STPG2: variants seen among roughly 807,000 people sequenced by gnomAD.
STPG2 encodes the protein sperm-tail PG-rich repeat-containing protein 2.
Under a neutral mutation model 54.2 loss-of-function variants are expected in STPG2, and 56 were observed. The observed-to-expected ratio is 1.03, with a 90% CI of 0.83 to 1.29. The LOEUF (loss-of-function observed/expected upper bound fraction) is 1.29. STPG2 is among the 50% of genes most tolerant of loss of function. The pLI is 0.00. For missense variants in STPG2, 596 were observed against 544.9 expected (o/e 1.09, Z -0.93); for synonymous variants, 200 against 181.8 (o/e 1.10, Z -0.81).
intron 10 of STPG2, among the ~76,000 whole-genome samples, chr4:97,708,590 G>A (rs904542379): frequency 6.6e-6 from 1 of 151,644 alleles, no homozygotes; most frequent in African/African-American, 2.4e-5. Flanking sequence ...TCTTTATAAG[G>A]CTATTTATAA....
chr4:97,614,813 T>C (rs1475069399), intron 10 of STPG2, among the ~76,000 whole-genome samples: 1 of 152,178 alleles, frequency 6.6e-6, no homozygotes, highest in East Asian at 1.9e-4. Flanking sequence ...TTGATACCCA[T>C]AACATGGAAA....
Position 97,563,236 on chromosome 4 carries a change from G to A in STPG2, c.1321-4119C>T, listed in dbSNP as rs181795197. Among the ~76,000 whole-genome samples the A allele has an allele frequency of 5.4e-3, 823 of 152,250 alleles. 6 individuals are homozygous for A. The highest frequency in any genetic ancestry group is 0.02 in the Middle Eastern group (6 of 294). On this transcript the variant is annotated intron_variant, in intron 10 of 10. Transcript: ENST00000295268. ...TTTTCTAGTTTATTTGCATAGAGGTGTTTGTAGTATTCCCTGATGGTAGTT... is the reference window on the plus strand; with the variant it reads ...TTTTCTAGTTTATTTGCATAGAGGTATTTGTAGTATTCCCTGATGGTAGTT...
At chr4:97,857,737 C>T (rs1042631534) in intron 8 of STPG2, among the ~76,000 whole-genome samples, 64 of 151,904 alleles carry the variant, frequency 4.2e-4, no homozygotes, top group Admixed American at 4.1e-3. Flanking sequence ...GATATATGAC[C>T]TTTCAGACAG....
intron 10 of STPG2, among the ~76,000 whole-genome samples, chr4:97,563,243 G>A (rs1732311575): frequency 6.6e-6 from 1 of 152,122 alleles, no homozygotes; most frequent in Non-Finnish European, 1.5e-5. Context: ...GGTGTTTGTA[G>A]TATTCCCTGA....
intron 9 of STPG2, among the ~76,000 whole-genome samples, chr4:97,756,533 C>T (rs373748635): frequency 6.6e-5 from 10 of 151,974 alleles, no homozygotes; most frequent in African/African-American, 2.4e-4. Context: ...ACCATGTTGG[C>T]CAGGCTGGTC....
chr4:97,796,369 AT>A (rs571182782), intron 9 of STPG2, among the ~76,000 whole-genome samples: 15 of 152,240 alleles, frequency 9.9e-5, no homozygotes, highest in East Asian at 1.9e-4. Flanking sequence ...TCTTGAATTA[AT>A]TTTTTTATAA....
At chr4:97,770,026 C>A (rs1726172723) in intron 9 of STPG2, among the ~76,000 whole-genome samples, 1 of 152,030 alleles carries the variant, frequency 6.6e-6, no homozygotes. Context: ...GCCTGGTCAA[C>A]ATGGCAAAAC....
chr4:98,013,747 T>A (rs571971743), intron 5 of STPG2, among the ~76,000 whole-genome samples: 2 of 151,382 alleles, frequency 1.3e-5, no homozygotes, highest in African/African-American at 2.4e-5. Context: ...TTTTCTAGTT[T>A]ATTTGCACAG....
At chr4:97,535,766 A>T (rs1235705389) in intron 4 of STPG2, among the ~76,000 whole-genome samples, 1 of 151,946 alleles carries the variant, frequency 6.6e-6, no homozygotes, top group Non-Finnish European at 1.5e-5. Context: ...GGGTCTATGC[A>T]CTTATATTTC....
At chr4:97,776,014 G>A (rs356548) in intron 9 of STPG2, among the ~76,000 whole-genome samples, 24,605 of 151,834 alleles carry the variant, frequency 0.16, 2,163 homozygotes, top group East Asian at 0.36. Context: ...TCCCCACCTC[G>A]GCCTCCCAAA....
At chr4:97,769,555 C>G (rs1726161868) in intron 9 of STPG2, among the ~76,000 whole-genome samples, 1 of 151,772 alleles carries the variant, frequency 6.6e-6, no homozygotes, top group African/African-American at 2.4e-5. Context: ...CAACTGGTAC[C>G]CTTATTACAA....
intron 10 of STPG2, among the ~76,000 whole-genome samples, chr4:97,667,896 T>C (rs181485815): frequency 1.0e-3 from 155 of 152,312 alleles, no homozygotes; most frequent in Middle Eastern, 3.4e-3. Flanking sequence ...AGATTGCTCA[T>C]TGCAGCCTTT....
At chr4:97,906,770 T>G (rs1040383649) in intron 8 of STPG2, among the ~76,000 whole-genome samples, 2 of 152,024 alleles carry the variant, frequency 1.3e-5, no homozygotes, top group Non-Finnish European at 2.9e-5. Flanking sequence ...AAAAACCACA[T>G]GATTATCTCA....
At chr4:97,914,416 T>G (rs1201211141) in intron 8 of STPG2, among the ~76,000 whole-genome samples, 1 of 152,212 alleles carries the variant, frequency 6.6e-6, no homozygotes, top group South Asian at 2.1e-4. Context: ...AAGATTTTTT[T>G]TAACTTTTTT....
Position 97,456,913 on chromosome 4 carries a change from A to T in STPG2, c.462+255786T>A, listed in dbSNP as rs558077715. 1.5e-3 allele frequency among the ~76,000 whole-genome samples: 182 copies of T among 118,350 alleles called. 3 individuals are homozygous for T. The highest frequency in any genetic ancestry group is 7.9e-3 in the Middle Eastern group (2 of 254). 77.6% of individuals were successfully genotyped at this position (118,350 alleles called of 152,430 possible). ...TCTCAAAAAAAAAAAAAAGAAAATT[A>T]AAAAAAAAAAAAAGATGGGTAAAAT... On this transcript the variant is annotated intron_variant, in intron 4 of 4. Transcript: ENST00000522676.
chr4:97,895,294 G>T (rs1730916418), intron 8 of STPG2, among the ~76,000 whole-genome samples: 1 of 151,842 alleles, frequency 6.6e-6, no homozygotes, highest in Non-Finnish European at 1.5e-5. Context: ...GGCAATCTCT[G>T]TCTATAACGT....
chr4:97,516,531 T>A (rs1731079074), intron 4 of STPG2, among the ~76,000 whole-genome samples: 1 of 152,040 alleles, frequency 6.6e-6, no homozygotes, highest in Admixed American at 6.6e-5. Context: ...TTATTTTTAT[T>A]AAAATTATAG....
chr4:97,766,483 G>A (rs558062516), intron 9 of STPG2, among the ~76,000 whole-genome samples: 32 of 152,060 alleles, frequency 2.1e-4, no homozygotes, highest in South Asian at 1.7e-3. Flanking sequence ...TGAAATGATC[G>A]TCTATTGCAT....
At chr4:98,014,001 T>G (rs991067439) in intron 5 of STPG2, among the ~76,000 whole-genome samples, 5 of 152,060 alleles carry the variant, frequency 3.3e-5, no homozygotes, top group Admixed American at 3.3e-4. Context: ...TTATTTCTTG[T>G]CTTCTGCTAG....
Sources: allele counts gnomAD v4.1 joint callset (sites outside exome capture counted in the v4.1 genomes callset), GRCh38; gene constraint gnomAD v4.1.1; transcripts MANE v1.5; gene names NCBI Gene and HGNC (gene_info 2026-07-23, HGNC 2026-07-21).